DOCK5: variants seen among roughly 807,000 people sequenced by gnomAD.
DOCK5 encodes the protein dedicator of cytokinesis 5.
DOCK5 carries 142 observed loss-of-function variants against 251.8 expected under a neutral mutation model. The ratio of observed to expected loss-of-function variants is 0.56; its 90% CI spans 0.49 to 0.65. The LOEUF (loss-of-function observed/expected upper bound fraction) is 0.65, where lower values mean the gene tolerates loss of function less well. DOCK5 is among the 30% of genes least tolerant of loss of function. DOCK5 has a pLI of 0.00. For missense variants in DOCK5, 2,111 were observed against 2,312.3 expected, an observed-to-expected ratio of 0.91 and a Z score of 1.79; for synonymous variants, 842 against 835.5, an observed-to-expected ratio of 1.01 and a Z score of -0.13.
intron 1 of DOCK5, among the ~76,000 whole-genome samples, chr8:25,230,183 C>T (rs1802633374): frequency 6.6e-6 from 1 of 152,180 alleles, no homozygotes; most frequent in South Asian, 2.1e-4. Flanking sequence ...TGAGCTCTTT[C>T]TTCTCTGCTG....
At chr8:25,193,501 T>C (rs573972388) in intron 1 of DOCK5, among the ~76,000 whole-genome samples, 1 of 152,062 alleles carries the variant, frequency 6.6e-6, no homozygotes, top group African/African-American at 2.4e-5. Context: ...TGGTTCACAC[T>C]TGTAATCCCA....
chr8:25,187,522 T>G (rs1801465592), intron 1 of DOCK5, among the ~76,000 whole-genome samples: 1 of 151,782 alleles, frequency 6.6e-6, no homozygotes, highest in South Asian at 2.1e-4. Flanking sequence ...GGACCCACAG[T>G]TGGGATAAAT....
rs1563309191 is a variant in DOCK5, at chr8:25,210,045, T to TATATAAAA, written c.43+25094_43+25095insATATAAAA. Among the ~76,000 whole-genome samples, 11 of 20,648 alleles carry TATATAAAA rather than the reference T, an allele frequency of 5.3e-4. 2 individuals are homozygous for TATATAAAA. Among genetic ancestry groups the TATATAAAA allele is most frequent in the African/African-American group, 1.2e-3 (5 of 4,346 alleles). 13.5% of individuals were successfully genotyped at this position (20,648 alleles called of 152,430 possible). Reference sequence around the variant, plus strand: ...ATATATATATATATAAATGTGTGTGTGTGTGTGTGTGTGTGTGTGTGTGTA... The same window carrying TATATAAAA: ...ATATATATATATATAAATGTGTGTGTATATAAAAGTGTGTGTGTGTGTGTGTGTGTGTA... On this transcript the variant is annotated intron_variant, in intron 1 of 51. Coordinates refer to ENST00000276440, the MANE Select transcript of DOCK5 (RefSeq NM_024940.8).
chr8:25,247,669 T>A (rs1194195566), intron 2 of DOCK5, among the ~76,000 whole-genome samples: 2 of 152,128 alleles, frequency 1.3e-5, no homozygotes, highest in African/African-American at 4.8e-5. Context: ...CTATAAACAT[T>A]CCTCAAGACA....
At chr8:25,352,335 A>G (rs1410879073) in intron 27 of DOCK5, among the ~76,000 whole-genome samples, 2 of 152,260 alleles carry the variant, frequency 1.3e-5, no homozygotes, top group East Asian at 1.9e-4. Flanking sequence ...AAAATGATCC[A>G]GTATGAACCA....
At chr8:25,201,858 G>T (rs144011036) in intron 1 of DOCK5, among the ~76,000 whole-genome samples, 32 of 152,318 alleles carry the variant, frequency 2.1e-4, no homozygotes, top group Non-Finnish European at 3.7e-4. Flanking sequence ...GCCTTTGTTT[G>T]CAGAGTGGGG....
intron 28 of DOCK5, among the ~76,000 whole-genome samples, chr8:25,359,281 C>T (rs940859491): frequency 6.6e-6 from 1 of 152,210 alleles, no homozygotes; most frequent in Non-Finnish European, 1.5e-5. Flanking sequence ...GAGGTTATCA[C>T]ACACTTTAAT....
chr8:25,286,384 T>C (rs1804333027), intron 5 of DOCK5, among the ~76,000 whole-genome samples: 1 of 152,210 alleles, frequency 6.6e-6, no homozygotes, highest in Non-Finnish European at 1.5e-5. Flanking sequence ...CAAAGACGCT[T>C]ATCCTTGGGA....
Position 25,363,042 on chromosome 8 carries a change from C to T in DOCK5, c.2950-5C>T, listed in dbSNP as rs751210717. On this transcript the variant is annotated splice_polypyrimidine_tract_variant and splice_region_variant and intron_variant, in intron 28 of 51. Coordinates refer to ENST00000276440, the MANE Select transcript of DOCK5 (RefSeq NM_024940.8). The stretch of plus-strand genomic sequence containing the variant: ...TTCCCCCAACCACTCCTCTGTTCTC[C>T]GCAGGACTTCCTCATGGAAACTTTT... The T allele has an allele frequency of 1.9e-5, 30 of 1,612,938 alleles. No individual in the cohort carries two copies. The highest frequency in any genetic ancestry group is 2.7e-5 in the African/African-American group (2 of 74,892).
At chr8:25,329,402 T>C (rs1321237030) in intron 18 of DOCK5, among the ~76,000 whole-genome samples, 1 of 152,182 alleles carries the variant, frequency 6.6e-6, no homozygotes, top group African/African-American at 2.4e-5. Flanking sequence ...ATCTATTCTC[T>C]TAGCAATTTT....
chr8:25,264,147 G>C (rs1443267923), intron 2 of DOCK5, among the ~76,000 whole-genome samples: 2 of 151,702 alleles, frequency 1.3e-5, no homozygotes, highest in African/African-American at 4.9e-5. Context: ...CGAACCGCTT[G>C]AGTCCAGGAG....
intron 2 of DOCK5, among the ~76,000 whole-genome samples, chr8:25,250,499 A>G (rs1379234874): frequency 1.3e-5 from 2 of 152,112 alleles, no homozygotes; most frequent in African/African-American, 4.8e-5. Context: ...ATTACTGTGA[A>G]CGTTCCTTTC....
intron 1 of DOCK5, among the ~76,000 whole-genome samples, chr8:25,212,179 C>A (rs1802129852): frequency 1.5e-5 from 1 of 64,738 alleles, no homozygotes; most frequent in Non-Finnish European, 5.0e-5. Flanking sequence ...AAAAAAAAGA[C>A]AGCTTCCATG....
intron 22 of DOCK5, among the ~76,000 whole-genome samples, chr8:25,338,228 A>T (rs894767154): frequency 2.6e-5 from 4 of 151,754 alleles, no homozygotes; most frequent in African/African-American, 9.7e-5. Context: ...TTTTGTAGAG[A>T]CAGGGTCTCT....
At chr8:25,185,145 G>A (rs1801400791) in intron 1 of DOCK5, among the ~76,000 whole-genome samples, 194 bp downstream of exon 1, 1 of 152,098 alleles carries the variant, frequency 6.6e-6, no homozygotes, top group Non-Finnish European at 1.5e-5. Flanking sequence ...AGGGTTTGGG[G>A]ACTCCGAGTG....
intron 1 of DOCK5, among the ~76,000 whole-genome samples, chr8:25,215,944 C>T (rs775259413): frequency 0.025 from 3,765 of 149,090 alleles, 63 homozygotes; most frequent in South Asian, 0.036. Flanking sequence ...CACACACACA[C>T]ACACACACAC....
chr8:25,204,079 A>C (rs1324616240), intron 1 of DOCK5, among the ~76,000 whole-genome samples: 1 of 152,208 alleles, frequency 6.6e-6, no homozygotes, highest in Admixed American at 6.5e-5. Flanking sequence ...TTTTTCTTGC[A>C]GAAATAGTTA....
chr8:25,310,364 C>T (rs1220490615), intron 12 of DOCK5, 43 bp from the exon 13 acceptor site: 6 of 1,568,316 alleles, frequency 3.8e-6, no homozygotes, highest in South Asian at 3.6e-5. Flanking sequence ...GTGTTTTATA[C>T]ATCATACAAA....
Position 25,390,223 on chromosome 8 carries a change from G to A in DOCK5, c.4291G>A (p.Val1431Ile). ...CTCTTCAGACATGCAGTGCTTCACT[G>A]TAAAGCCAGTGATGAGCTTGCCGCC... is the stretch of plus-strand genomic sequence containing the variant. ...SPKQYMQCFT[V>I]KPVMSLPPSY... is the part of the protein sequence containing the mutation. The change falls in exon 42 of 52, where the codon GTA becomes ATA. Residue 1431 changes from valine (V) to isoleucine (I), a missense_variant. Transcript: ENST00000276440. 2 of 1,592,266 alleles carry A rather than the reference G, an allele frequency of 1.3e-6. No individual in the cohort carries two copies. Among genetic ancestry groups the A allele is most frequent in the Non-Finnish European group, 1.7e-6 (2 of 1,168,952 alleles).
Sources: gnomAD v4.1 joint callset for allele counts (sites outside exome capture counted in the v4.1 genomes callset) on GRCh38, gnomAD v4.1.1 for gene constraint, MANE v1.5 for transcripts, NCBI Gene and HGNC (gene_info 2026-07-23, HGNC 2026-07-21) for gene names.